Variants in SCAPER observed in about 807,000 individuals in gnomAD.
SCAPER encodes S-phase cyclin A associated protein in the ER.
Under a neutral mutation model 182.2 loss-of-function variants are expected in SCAPER, and 98 were observed. The ratio of observed to expected loss-of-function variants is 0.54; its 90% CI spans 0.46 to 0.64. The LOEUF (loss-of-function observed/expected upper bound fraction) is 0.64. SCAPER is among the 30% of genes least tolerant of loss of function. SCAPER has a pLI of 0.00. For synonymous variants in SCAPER, 605 were observed against 564.6 expected (o/e 1.07, Z -1.01); for missense variants, 1,432 against 1,690.0 (o/e 0.85, Z 2.68).
chr15:76,885,223 T>A (rs530686629), intron 1 of SCAPER, among the ~76,000 whole-genome samples: 11 of 152,306 alleles, frequency 7.2e-5, no homozygotes, highest in Admixed American at 4.6e-4. Flanking sequence ...CTCACAAACC[T>A]CCAACCTCTC....
intron 16 of SCAPER, among the ~76,000 whole-genome samples, chr15:76,730,761 A>G (rs895634739): frequency 3.3e-5 from 5 of 152,138 alleles, no homozygotes; most frequent in Admixed American, 3.3e-4. Flanking sequence ...GAGGAATGTA[A>G]TTTTTTAAAT....
chr15:76,579,477 TA>T (rs1260139869), intron 22 of SCAPER, among the ~76,000 whole-genome samples: 1 of 150,124 alleles, frequency 6.7e-6, no homozygotes, highest in African/African-American at 2.5e-5. Flanking sequence ...TAATGGGTTA[TA>T]AAATATCAAT....
chr15:76,739,020 G>A (rs1374778192), intron 15 of SCAPER, among the ~76,000 whole-genome samples: 2 of 152,068 alleles, frequency 1.3e-5, no homozygotes, highest in East Asian at 1.9e-4. Context: ...ATTTTTTCTT[G>A]TCTTTAACCC....
chr15:76,419,477 T>C (rs1490889715), intron 26 of SCAPER, among the ~76,000 whole-genome samples: 1 of 152,172 alleles, frequency 6.6e-6, no homozygotes, highest in Non-Finnish European at 1.5e-5. Flanking sequence ...TCCCAGCACT[T>C]TGCGAGGCCA....
chr15:76,847,326 A>G (rs1325889476), intron 4 of SCAPER, among the ~76,000 whole-genome samples: 1 of 152,146 alleles, frequency 6.6e-6, no homozygotes. Context: ...CATGTATCCC[A>G]GAACTTAAAG....
At position 76,510,159 on chromosome 15, in the gene SCAPER, G is replaced by A. The variant is rs2041905345; in HGVS notation, c.2839-5185C>T. Among the ~76,000 whole-genome samples, 5 of 152,154 alleles carry A rather than the reference G, an allele frequency of 3.3e-5. No individual in the cohort carries two copies. The South Asian group carries it at 1.0e-3, about 32-fold the overall frequency. ...TATCGGAAAAACTCTTCTAGACATT[G>A]ACTTAGACAAGGATTTCATGACCAA... On this transcript the variant is annotated intron_variant, in intron 23 of 31. Coordinates refer to ENST00000563290, the MANE Select transcript of SCAPER (RefSeq NM_020843.4).
intron 20 of SCAPER, among the ~76,000 whole-genome samples, 177 bp downstream of exon 20, chr15:76,701,576 GTTAAA>G (rs2058952328): frequency 6.6e-6 from 1 of 151,888 alleles, no homozygotes; most frequent in Non-Finnish European, 1.5e-5. Context: ...TATCTTTCTT[GTTAAA>G]TTAATATATA....
At chr15:76,522,507 G>C (rs978178026) in intron 23 of SCAPER, among the ~76,000 whole-genome samples, 2 of 152,150 alleles carry the variant, frequency 1.3e-5, no homozygotes, top group Non-Finnish European at 2.9e-5. Flanking sequence ...TGCACCTACA[G>C]CTTGTAGCAA....
intron 23 of SCAPER, among the ~76,000 whole-genome samples, chr15:76,510,478 A>G (rs909097395): frequency 6.6e-6 from 1 of 152,268 alleles, no homozygotes; most frequent in Non-Finnish European, 1.5e-5. Context: ...CAAATGGCCA[A>G]TAAACATATG....
chr15:76,719,474 T>C (rs280008), intron 17 of SCAPER, among the ~76,000 whole-genome samples: 23,364 of 152,132 alleles, frequency 0.15, 2,019 homozygotes, highest in African/African-American at 0.24. Context: ...AGAGATCTAA[T>C]GTACAACAGG....
intron 26 of SCAPER, among the ~76,000 whole-genome samples, chr15:76,409,213 T>C (rs1428875733): frequency 6.6e-6 from 1 of 152,162 alleles, no homozygotes; most frequent in African/African-American, 2.4e-5. Context: ...ATATGGAACT[T>C]TCTAATGAAC....
At chr15:76,646,649 C>G (rs2054572189) in intron 21 of SCAPER, among the ~76,000 whole-genome samples, 1 of 152,188 alleles carries the variant, frequency 6.6e-6, no homozygotes, top group African/African-American at 2.4e-5. Flanking sequence ...TTCTTTCAAC[C>G]TAAATTGCAG....
Position 76,456,356 on chromosome 15 carries a change from T to C in SCAPER, c.3078+14856A>G, listed in dbSNP as rs189585200. On this transcript the variant is annotated intron_variant, in intron 25 of 31. Transcript: ENST00000563290. ...GTTGTTTCCTGATGCTATATTTTCA[T>C]TGAAAATACTTTTCAGTTCAAAATA... Among the ~76,000 whole-genome samples the C allele has an allele frequency of 4.6e-5, 7 of 152,350 alleles. No individual in the cohort carries two copies. In the East Asian group the frequency reaches 1.2e-3, roughly 25 times the overall value.
intron 23 of SCAPER, among the ~76,000 whole-genome samples, chr15:76,562,148 C>CAAAAAAA (rs66722088): frequency 1.2e-4 from 9 of 74,014 alleles, no homozygotes; most frequent in African/African-American, 1.6e-4. Flanking sequence ...AACTTCATCT[C>CAAAAAAA]AAAAAAAAAA....
chr15:76,383,091 TG>T (rs2043064919), intron 27 of SCAPER, among the ~76,000 whole-genome samples: 5 of 33,790 alleles, frequency 1.5e-4, no homozygotes, highest in South Asian at 4.4e-3. Flanking sequence ...TATAGGTGTG[TG>T]TGTGTGTGTA....
rs372970232 is a variant in SCAPER at position 76,862,553 on chromosome 15, T to C, written c.7-20A>G. On this transcript the variant is annotated intron_variant, in intron 2 of 31. Coordinates refer to ENST00000563290, the MANE Select transcript of SCAPER (RefSeq NM_020843.4). ...TGAAGCCTATGTATGGAAAAGATGGTACTTATTAGATTATTAGATAAGTCA... is the reference window on the plus strand; with the variant it reads ...TGAAGCCTATGTATGGAAAAGATGGCACTTATTAGATTATTAGATAAGTCA... 3 of 1,416,450 alleles carry C rather than the reference T, an allele frequency of 2.1e-6. No individual in the cohort carries two copies. Among genetic ancestry groups the C allele is most frequent in the Admixed American group, 1.8e-5 (1 of 54,978 alleles). The allele number at this position is 1,416,450 out of a possible 1,614,324, so 87.7% of individuals were successfully genotyped here. A position where few individuals can be genotyped will look rare whatever the true frequency, so the allele number is the denominator to read the frequency against.
intron 21 of SCAPER, among the ~76,000 whole-genome samples, chr15:76,623,523 T>C (rs1320175607): frequency 4.6e-5 from 7 of 152,196 alleles, no homozygotes; most frequent in Non-Finnish European, 8.8e-5. Context: ...CATTGCTTAT[T>C]TTTGTCAGCT....
intron 23 of SCAPER, among the ~76,000 whole-genome samples, chr15:76,507,678 T>TTCAATTGCTCTTTGTGCACAATAAAATAC: frequency 6.6e-6 from 1 of 152,230 alleles, no homozygotes; most frequent in East Asian, 1.9e-4. Flanking sequence ...ATCTTAATCA[T>TTCAATTGCTCTTTGTGCACAATAAAATAC]TCAATTGCTC....
At chr15:76,553,723 T>G (rs2145003436) in intron 23 of SCAPER, among the ~76,000 whole-genome samples, 1 of 150,502 alleles carries the variant, frequency 6.6e-6, no homozygotes, top group African/African-American at 2.4e-5. Flanking sequence ...GAGCTGAGCC[T>G]TGGCCCTTTG....
Sources: gnomAD v4.1 joint callset for allele counts (sites outside exome capture counted in the v4.1 genomes callset) on GRCh38, gnomAD v4.1.1 for gene constraint, MANE v1.5 for transcripts, NCBI Gene and HGNC (gene_info 2026-07-23, HGNC 2026-07-21) for gene names.